Variants in ANKS1B observed in about 807,000 individuals in gnomAD.
ANKS1B encodes the protein ankyrin repeat and sterile alpha motif domain containing 1B.
ANKS1B carries 36 observed loss-of-function variants against 148.3 expected under a neutral mutation model. The ratio of observed to expected loss-of-function variants is 0.24; its 90% confidence interval spans 0.19 to 0.32. The LOEUF (loss-of-function observed/expected upper bound fraction) is 0.32. Among genes scored for constraint, ANKS1B ranks in the 10% least tolerant of loss-of-function variants. The pLI, the probability that ANKS1B is intolerant of heterozygous loss-of-function variation, is 1.00. For missense variants in ANKS1B, 1,157 were observed against 1,542.6 expected, an observed-to-expected ratio of 0.75 and a Z score of 4.19; for synonymous variants, 542 against 560.8, an observed-to-expected ratio of 0.97 and a Z score of 0.47.
intron 17 of ANKS1B, among the ~76,000 whole-genome samples, chr12:98,841,752 A>G (rs988848277): frequency 5.3e-5 from 8 of 151,166 alleles, no homozygotes; most frequent in Admixed American, 2.0e-4. Flanking sequence ...CAAAAAGAGG[A>G]AAAAAAAAGG....
chr12:99,091,280 T>C (rs2053899146), intron 15 of ANKS1B, among the ~76,000 whole-genome samples: 1 of 152,158 alleles, frequency 6.6e-6, no homozygotes, highest in Non-Finnish European at 1.5e-5. Context: ...TCCTCTTTAT[T>C]TTTGAAACCC....
chr12:99,017,841 C>T (rs1180672147), intron 17 of ANKS1B, among the ~76,000 whole-genome samples: 1 of 152,150 alleles, frequency 6.6e-6, no homozygotes, highest in Admixed American at 6.6e-5. Context: ...ACCAGAGAAA[C>T]TCGGGAAGCT....
In ANKS1B at chr12:99,431,929, G is replaced by T. The variant is rs549576657; in HGVS notation, c.1575+11744C>A. Among the ~76,000 whole-genome samples the T allele has an allele frequency of 5.3e-5, 8 of 152,300 alleles. No individual in the cohort carries two copies. The South Asian group carries it at 1.7e-3, about 32-fold the overall frequency. Reference sequence around the variant, plus strand: ...TAGTAGAGGGTATTTGGGTCAAGAGGACAGATCTCTCATGAATGGCTTGGT... The same window carrying T: ...TAGTAGAGGGTATTTGGGTCAAGAGTACAGATCTCTCATGAATGGCTTGGT... On this transcript the variant is annotated intron_variant, in intron 11 of 26. Transcript: ENST00000683438.
At chr12:98,862,640 T>C (rs2099605127) in intron 17 of ANKS1B, among the ~76,000 whole-genome samples, 1 of 152,182 alleles carries the variant, frequency 6.6e-6, no homozygotes, top group Non-Finnish European at 1.5e-5. Flanking sequence ...AATGACTGAC[T>C]TTTAGATACT....
At chr12:98,803,021 T>C (rs2099018739) in intron 20 of ANKS1B, among the ~76,000 whole-genome samples, 3 of 152,292 alleles carry the variant, frequency 2.0e-5, no homozygotes, top group Non-Finnish European at 2.9e-5. Flanking sequence ...TTTTCTTTTA[T>C]ATTTATATGA....
At chr12:99,781,309 A>AT (rs1029668638) in intron 5 of ANKS1B, among the ~76,000 whole-genome samples, 15 of 151,018 alleles carry the variant, frequency 9.9e-5, no homozygotes, top group Middle Eastern at 3.4e-3. Context: ...AATGTTTTTC[A>AT]TTTTTTTTTA....
At chr12:99,932,443 C>T (rs142358439) in intron 1 of ANKS1B, among the ~76,000 whole-genome samples, 295 of 152,204 alleles carry the variant, frequency 1.9e-3, no homozygotes, top group Admixed American at 3.1e-3. Context: ...TTCATTATTG[C>T]CTGTCTTTTG....
At chr12:98,947,633 C>T (rs1180926265) in intron 17 of ANKS1B, among the ~76,000 whole-genome samples, 1 of 152,174 alleles carries the variant, frequency 6.6e-6, no homozygotes, top group African/African-American at 2.4e-5. Flanking sequence ...TCTACATGTT[C>T]CATTAATCAC....
intron 9 of ANKS1B, among the ~76,000 whole-genome samples, chr12:99,509,181 C>T (rs2096739986): frequency 6.6e-6 from 1 of 151,824 alleles, no homozygotes; most frequent in East Asian, 1.9e-4. Context: ...CTCCTTGGGC[C>T]TCCCTATTTC....
At chr12:99,121,606 C>CT (rs1225601929) in intron 15 of ANKS1B, among the ~76,000 whole-genome samples, 3 of 152,030 alleles carry the variant, frequency 2.0e-5, no homozygotes, top group Non-Finnish European at 4.4e-5. Flanking sequence ...TTGTTGAGAA[C>CT]TTTGTGGAAG....
intron 12 of ANKS1B, among the ~76,000 whole-genome samples, chr12:99,332,981 C>G (rs1320609630): frequency 6.6e-6 from 1 of 151,786 alleles, no homozygotes; most frequent in Non-Finnish European, 1.5e-5. Context: ...TGGGATTGAT[C>G]CTACAGAGCA....
At chr12:99,668,057 G>A (rs2098518176) in intron 8 of ANKS1B, among the ~76,000 whole-genome samples, 1 of 151,980 alleles carries the variant, frequency 6.6e-6, no homozygotes, top group African/African-American at 2.4e-5. Context: ...TAATAAATTG[G>A]GAACAACCCT....
intron 12 of ANKS1B, among the ~76,000 whole-genome samples, chr12:99,250,047 A>G (rs980089723): frequency 6.6e-6 from 1 of 152,240 alleles, no homozygotes; most frequent in African/African-American, 2.4e-5. Context: ...GGGGCCACAC[A>G]GGGAACTACC....
At chr12:99,309,956 CTAT>C (rs2154025224) in intron 12 of ANKS1B, among the ~76,000 whole-genome samples, 1 of 152,192 alleles carries the variant, frequency 6.6e-6, no homozygotes, top group East Asian at 1.9e-4. Context: ...AAAGAACTTA[CTAT>C]AAATGGTATT....
intron 11 of ANKS1B, among the ~76,000 whole-genome samples, chr12:99,437,450 T>C (rs1170271482): frequency 6.6e-6 from 1 of 152,000 alleles, no homozygotes; most frequent in Non-Finnish European, 1.5e-5. Context: ...TAAAAATCTC[T>C]GTTCAATATT....
At chr12:99,832,724 TA>T (rs554760513) in intron 1 of ANKS1B, among the ~76,000 whole-genome samples, 14 of 135,792 alleles carry the variant, frequency 1.0e-4, no homozygotes, top group Admixed American at 1.5e-4. Context: ...ACTCCATCTT[TA>T]AAAAAAAAAG....
chr12:99,929,472 C>A (rs1043039555), intron 1 of ANKS1B, among the ~76,000 whole-genome samples: 3 of 152,160 alleles, frequency 2.0e-5, no homozygotes, highest in Admixed American at 6.5e-5. Flanking sequence ...ATGGTAGTTT[C>A]TTTTGCTGTG....
At chr12:99,118,272 T>G (rs980032875) in intron 15 of ANKS1B, among the ~76,000 whole-genome samples, 1 of 152,160 alleles carries the variant, frequency 6.6e-6, no homozygotes, top group African/African-American at 2.4e-5. Context: ...ATATAATAAA[T>G]TGGGTTTGGA....
intron 12 of ANKS1B, among the ~76,000 whole-genome samples, chr12:99,277,640 G>A (rs915860730): frequency 1.1e-4 from 16 of 152,100 alleles, no homozygotes; most frequent in African/African-American, 3.4e-4. Context: ...TTGAGTCCTC[G>A]GTACTGTTCA....
Sources: allele counts gnomAD v4.1 joint callset (sites outside exome capture counted in the v4.1 genomes callset), GRCh38; gene constraint gnomAD v4.1.1; transcripts MANE v1.5; gene names NCBI Gene and HGNC (gene_info 2026-07-23, HGNC 2026-07-21).